The following STXBP4 variants were observed in gnomAD, a reference collection of about 807,000 sequenced individuals.
STXBP4 encodes syntaxin binding protein 4, also known as syntaxin-binding protein 4.
STXBP4 carries 55 observed loss-of-function variants against 76.1 expected under a neutral mutation model. The observed-to-expected ratio is 0.72, with a 90% CI of 0.58 to 0.91. The LOEUF (loss-of-function observed/expected upper bound fraction) is 0.91, where lower values mean the gene tolerates loss of function less well. Among genes scored for constraint, STXBP4 ranks in the 40% least tolerant of loss-of-function variants. STXBP4 has a pLI of 0.00. For missense variants in STXBP4, 618 were observed against 636.9 expected, an observed-to-expected ratio of 0.97 and a Z score of 0.32; for synonymous variants, 201 against 220.2, an observed-to-expected ratio of 0.91 and a Z score of 0.77.
chr17:55,014,113 G>C (rs982074686), intron 8 of STXBP4, among the ~76,000 whole-genome samples: 3 of 152,106 alleles, frequency 2.0e-5, no homozygotes. Flanking sequence ...CTAGACCTTG[G>C]GCTTTTAGGT....
rs1385192877 is a variant in STXBP4, at chr17:55,162,416, T to G, written c.*2505T>G. 1 of 152,192 alleles carries G rather than the reference T, an allele frequency of 6.6e-6. No homozygotes were observed. Among genetic ancestry groups the G allele is most frequent in the African/African-American group, 2.4e-5 (1 of 41,440 alleles). The allele number at this position is 152,192 out of a possible 1,614,324, so 9.4% of individuals were successfully genotyped here. A position where few individuals can be genotyped will look rare whatever the true frequency, so the allele number is the denominator to read the frequency against. On this transcript the variant is annotated 3_prime_UTR_variant, in exon 18 of 18. Coordinates refer to ENST00000376352, the MANE Select transcript of STXBP4 (RefSeq NM_178509.6). ...CTGAATGTTCTTATGTCCTTCCGTCTCACTTTACTAGAGTGCCCAAGTTGA... is the reference window on the plus strand; with the variant it reads ...CTGAATGTTCTTATGTCCTTCCGTCGCACTTTACTAGAGTGCCCAAGTTGA...
At chr17:55,185,299 CCTTCTCCTT>C in the STXBP4 span, among the ~76,000 whole-genome samples, 1 of 118,666 alleles carries the variant, frequency 8.4e-6, no homozygotes, top group African/African-American at 3.4e-5. Flanking sequence ...TTCTCCTTCT[CCTTCTCCTT>C]CTCCTTCTCC....
At chr17:55,189,554 A>G in the STXBP4 span, among the ~76,000 whole-genome samples, 3 of 152,240 alleles carry the variant, frequency 2.0e-5, no homozygotes, top group African/African-American at 7.2e-5. Context: ...TCAGAGACGA[A>G]GTGAGGCCAC....
rs888182574 is a variant in STXBP4, at chr17:55,170,360, G to A, written c.*10449G>A. The A allele has an allele frequency of 6.6e-6, 1 of 151,918 alleles. No individual in the cohort carries two copies. Among genetic ancestry groups the A allele is most frequent in the Non-Finnish European group, 1.5e-5 (1 of 67,978 alleles). The allele number at this position is 151,918 out of a possible 1,614,324, so 9.4% of individuals were successfully genotyped here. On this transcript the variant is annotated 3_prime_UTR_variant, in exon 18 of 18. Coordinates refer to ENST00000376352, the MANE Select transcript of STXBP4 (RefSeq NM_178509.6). The stretch of plus-strand genomic sequence containing the variant: ...GAAAGTATCACAATAATAACATCAA[G>A]TGGTAATAACAGGAAACAGATCTGT...
At chr17:55,116,050 G>C (rs921868381) in intron 16 of STXBP4, among the ~76,000 whole-genome samples, 1 of 151,778 alleles carries the variant, frequency 6.6e-6, no homozygotes, top group African/African-American at 2.4e-5. Flanking sequence ...AGGGAGCGGT[G>C]CCTTATTTGA....
At chr17:55,176,042 G>A (rs368406569), downstream of STXBP4, among the ~76,000 whole-genome samples, 18 of 152,322 alleles carry the variant, frequency 1.2e-4, no homozygotes, top group African/African-American at 4.3e-4. Context: ...GCAAGAGGAG[G>A]TCTGCTATCT....
At chr17:55,027,581 A>T (rs962039194) in intron 8 of STXBP4, among the ~76,000 whole-genome samples, 1 of 152,194 alleles carries the variant, frequency 6.6e-6, no homozygotes, top group Non-Finnish European at 1.5e-5. Context: ...AAAAGAAAAA[A>T]GTTGAACTCA....
intron 16 of STXBP4, among the ~76,000 whole-genome samples, chr17:55,106,420 G>A (rs536874657): frequency 6.6e-6 from 1 of 151,602 alleles, no homozygotes; most frequent in Non-Finnish European, 1.5e-5. Flanking sequence ...TATCCAATTT[G>A]CCCACCTTTG....
chr17:54,980,081 C>A (rs574343900), intron 1 of STXBP4, among the ~76,000 whole-genome samples: 51 of 152,202 alleles, frequency 3.4e-4, no homozygotes, highest in African/African-American at 1.2e-3. Flanking sequence ...CAATATATTA[C>A]AATTACATAA....
intron 7 of STXBP4, among the ~76,000 whole-genome samples, chr17:55,001,794 G>A (rs938556152): frequency 5.3e-5 from 8 of 152,138 alleles, no homozygotes; most frequent in South Asian, 2.1e-4. Flanking sequence ...CACCATGCCC[G>A]GCTAATTTTT....
At chr17:55,153,334 A>ACTGG (rs1233367105) in intron 17 of STXBP4, among the ~76,000 whole-genome samples, 3 of 152,168 alleles carry the variant, frequency 2.0e-5, no homozygotes, top group Non-Finnish European at 4.4e-5. Context: ...TGTAACACTC[A>ACTGG]CTGTCAAGTG....
In STXBP4 at chr17:54,986,269, A is replaced by G. The variant is rs2077625156; in HGVS notation, c.47+3A>G. The G allele has an allele frequency of 2.5e-6, 4 of 1,572,104 alleles. No individual in the cohort carries two copies. Among genetic ancestry groups the G allele is most frequent in the Non-Finnish European group, 3.5e-6 (4 of 1,151,464 alleles). ...GTATCACCCAGTCTACTTGAAAAGT[A>G]ATTTTTAAGTTTAATATGTTTTGAA... On this transcript the variant is annotated splice_donor_region_variant and intron_variant, in intron 3 of 17. Transcript: ENST00000376352.
intron 7 of STXBP4, among the ~76,000 whole-genome samples, chr17:55,006,178 G>A (rs1427814315): frequency 6.6e-6 from 1 of 151,958 alleles, no homozygotes; most frequent in East Asian, 1.9e-4. Context: ...TCCATTTGAA[G>A]CTAAAAGTCA....
At chr17:54,992,648 A>C (rs955952020) in intron 4 of STXBP4, among the ~76,000 whole-genome samples, 1 of 150,648 alleles carries the variant, frequency 6.6e-6, no homozygotes, top group African/African-American at 2.4e-5. Flanking sequence ...CTTAAACTAC[A>C]CTTGATATAA....
chr17:55,107,800 C>T (rs1056994491), intron 16 of STXBP4, among the ~76,000 whole-genome samples: 5 of 152,180 alleles, frequency 3.3e-5, no homozygotes, highest in African/African-American at 1.2e-4. Context: ...AGCTTTGTCC[C>T]AGAGGGGTAC....
At chr17:54,995,891 A>C (rs1425916371) in intron 4 of STXBP4, among the ~76,000 whole-genome samples, 1 of 152,044 alleles carries the variant, frequency 6.6e-6, no homozygotes, top group Non-Finnish European at 1.5e-5. Flanking sequence ...TTGTGGACTT[A>C]CTGTGTACCT....
chr17:55,208,210 C>T, the STXBP4 span, among the ~76,000 whole-genome samples: 1 of 151,874 alleles, frequency 6.6e-6, no homozygotes, highest in East Asian at 1.9e-4. Context: ...GGAAGTCTGC[C>T]TCCAGAAATC....
intron 16 of STXBP4, among the ~76,000 whole-genome samples, chr17:55,089,067 AG>A (rs1381759259): frequency 6.6e-6 from 1 of 152,198 alleles, no homozygotes; most frequent in Non-Finnish European, 1.5e-5. Context: ...CTTAATTTCT[AG>A]GTCTGTTTTT....
chr17:55,068,070 A>G (rs745686553), intron 12 of STXBP4, among the ~76,000 whole-genome samples: 1 of 152,122 alleles, frequency 6.6e-6, no homozygotes, highest in Non-Finnish European at 1.5e-5. Flanking sequence ...AAGGTATATT[A>G]TATATATTTT....
Sources: gnomAD v4.1 joint callset for allele counts (sites outside exome capture counted in the v4.1 genomes callset) on GRCh38, gnomAD v4.1.1 for gene constraint, MANE v1.5 for transcripts, NCBI Gene and HGNC (gene_info 2026-07-23, HGNC 2026-07-21) for gene names.